The following SLC25A37 variants were observed in gnomAD, a reference collection of about 807,000 sequenced individuals.
SLC25A37 encodes the protein mitoferrin-1.
SLC25A37 carries 17 observed loss-of-function variants against 31.0 expected under a neutral mutation model. That is an observed-to-expected ratio of 0.55 (90% confidence interval 0.38 to 0.82). The LOEUF (loss-of-function observed/expected upper bound fraction) is 0.82, where lower values mean the gene tolerates loss of function less well. SLC25A37 is among the 40% of genes least tolerant of loss of function. The pLI is 0.00. For synonymous variants in SLC25A37, 222 were observed against 193.0 expected, an observed-to-expected ratio of 1.15 and a Z score of -1.24; for missense variants, 404 against 465.8, an observed-to-expected ratio of 0.87 and a Z score of 1.22.
rs746104460 is a variant in SLC25A37 at position 23,529,214 on chromosome 8, T to G, written c.210+2T>G. On this transcript the variant is annotated splice_donor_variant, in intron 1 of 3. Coordinates refer to ENST00000519973, the MANE Select transcript of SLC25A37 (RefSeq NM_016612.4). LOFTEE classifies it high-confidence loss of function. The surrounding 1 kb of genome is among the most constrained non-coding windows in gnomAD (Gnocchi z 4.1). ...ATGTACCCGGTGGACTCGGTGAAGG[T>G]GAGGCGCGGGGAGACTTCGGGGACG... 6.2e-7 allele frequency: 1 copy of G among 1,605,110 alleles called. No homozygotes were observed. The highest frequency in any genetic ancestry group is 1.4e-5 in the African/African-American group (1 of 73,896).
At chr8:23,571,048 C>T (rs2117467170) in intron 3 of SLC25A37, among the ~76,000 whole-genome samples, 1 of 152,222 alleles carries the variant, frequency 6.6e-6, no homozygotes, top group East Asian at 1.9e-4. Flanking sequence ...AAGTGGCTGC[C>T]TGGTTCGGGG....
At position 23,573,841 on chromosome 8, in the gene SLC25A37, C is replaced by G. The variant is rs1462703720; in HGVS notation, c.*1986C>G. On this transcript the variant is annotated 3_prime_UTR_variant, in exon 4 of 4. Transcript: ENST00000519973. ...CTGCTCTGCCCCCCACTCCCCAAAA[C>G]CAGTTGCAGCCTCAACCCACATGGG... 8 of 456,638 alleles carry G rather than the reference C, an allele frequency of 1.8e-5. No individual in the cohort carries two copies. Among genetic ancestry groups the G allele is most frequent in the Non-Finnish European group, 3.1e-5 (7 of 226,982 alleles). The allele number at this position is 456,638 out of a possible 1,614,324, so 28.3% of individuals were successfully genotyped here.
Position 23,529,455 on chromosome 8 carries a change from C to G in SLC25A37, c.210+243C>G, listed in dbSNP as rs1165748408. ...CCGCTGCTCCAGCCGCGTGCCCGGC[C>G]CCGGCTGCTGGCGGCGCTGAGGCGG... is the stretch of plus-strand genomic sequence containing the variant. On this transcript the variant is annotated intron_variant, in intron 1 of 3. Transcript: ENST00000519973. This position sits in a 1 kb window ranked among gnomAD's most constrained non-coding sequence, Gnocchi z 4.1. Among the ~76,000 whole-genome samples the G allele has an allele frequency of 6.6e-6, 1 of 151,830 alleles. No homozygotes were observed. Among genetic ancestry groups the G allele is most frequent in the Non-Finnish European group, 1.5e-5 (1 of 67,928 alleles).
chr8:23,547,948 A>G (rs1484449881), intron 1 of SLC25A37, among the ~76,000 whole-genome samples: 1 of 152,060 alleles, frequency 6.6e-6, no homozygotes, highest in Admixed American at 6.6e-5. Context: ...CAAGTTCACT[A>G]CCAGGAAGCT....
chr8:23,566,407 C>T, intron 2 of SLC25A37, 71 bp downstream of exon 2: 1 of 1,531,046 alleles, frequency 6.5e-7, no homozygotes, highest in Non-Finnish European at 8.7e-7. Context: ...GGGTGTTCCT[C>T]CCTGTGACCC....
At chr8:23,539,410 C>T (rs1156393456) in intron 1 of SLC25A37, among the ~76,000 whole-genome samples, 2 of 152,186 alleles carry the variant, frequency 1.3e-5, no homozygotes, top group Admixed American at 6.5e-5. Context: ...GAAAGAGAGA[C>T]CCTGGCTGAT....
chr8:23,556,474 C>T lies in SLC25A37; in HGVS notation c.211-9634C>T, dbSNP rs1802368871. On this transcript the variant is annotated intron_variant, in intron 1 of 3. Coordinates refer to ENST00000519973, the MANE Select transcript of SLC25A37 (RefSeq NM_016612.4). ...TTCCTGGCAGCAAGTGATCCACCTG[C>T]CTTGGCCTTCCAAAGTGCTGGGATT... Among the ~76,000 whole-genome samples, 4 of 152,124 alleles carry T rather than the reference C, an allele frequency of 2.6e-5. No homozygotes were observed. The South Asian group carries it at 6.2e-4, about 24-fold the overall frequency.
intron 2 of SLC25A37, chr8:23,567,916 C>G: frequency 4.7e-6 from 1 of 213,948 alleles, no homozygotes; most frequent in South Asian, 6.6e-5. Flanking sequence ...GATATGATAT[C>G]TCCTTTCAGG....
intron 3 of SLC25A37, among the ~76,000 whole-genome samples, chr8:23,569,846 C>T (rs541193914): frequency 3.9e-5 from 6 of 152,288 alleles, no homozygotes; most frequent in East Asian, 1.9e-4. Context: ...CTCTACCTGG[C>T]GATGGCTTTA....
intron 1 of SLC25A37, chr8:23,531,685 G>A (rs1801664388): frequency 6.6e-6 from 1 of 152,162 alleles, no homozygotes; most frequent in African/African-American, 2.4e-5. Flanking sequence ...TCTATCCTAG[G>A]TAATGTGGAC....
chr8:23,545,571 C>A (rs1379101731), intron 1 of SLC25A37, among the ~76,000 whole-genome samples: 1 of 152,226 alleles, frequency 6.6e-6, no homozygotes, highest in African/African-American at 2.4e-5. Flanking sequence ...TTCCCTGGCA[C>A]AGGGGGTCTT....
chr8:23,542,229 G>T (rs1328066471), intron 1 of SLC25A37, among the ~76,000 whole-genome samples: 1 of 152,082 alleles, frequency 6.6e-6, no homozygotes, highest in African/African-American at 2.4e-5. Context: ...GGATGATGCT[G>T]GTGTAAACCT....
intron 1 of SLC25A37, among the ~76,000 whole-genome samples, chr8:23,530,807 C>A (rs1801647306): frequency 6.6e-6 from 1 of 152,164 alleles, no homozygotes; most frequent in Non-Finnish European, 1.5e-5. Context: ...ACAGTGAGTT[C>A]ACTTTAGAGC....
chr8:23,570,291 T>C (rs920520712), intron 3 of SLC25A37, among the ~76,000 whole-genome samples: 3 of 152,112 alleles, frequency 2.0e-5, no homozygotes, highest in Non-Finnish European at 4.4e-5. Context: ...ACATTATCTT[T>C]CTCAAGAGAT....
At chr8:23,549,098 A>ACT (rs200667853) in intron 1 of SLC25A37, among the ~76,000 whole-genome samples, 3 of 151,528 alleles carry the variant, frequency 2.0e-5, no homozygotes, top group African/African-American at 7.3e-5. Context: ...GATTTTTAGT[A>ACT]CTCTCTCTCT....
chr8:23,563,912 C>T (rs1050905741), intron 1 of SLC25A37, among the ~76,000 whole-genome samples: 77 of 151,872 alleles, frequency 5.1e-4, no homozygotes, highest in Non-Finnish European at 7.8e-4. Flanking sequence ...ACGTGGCAGG[C>T]GGAGGTTGCA....
At chr8:23,538,380 C>CAAAAAAAAAAAAA (rs1286476649) in intron 1 of SLC25A37, among the ~76,000 whole-genome samples, 2 of 10,758 alleles carry the variant, frequency 1.9e-4, no homozygotes, top group Non-Finnish European at 4.0e-4. Context: ...GACTTCATCT[C>CAAAAAAAAAAAAA]AAAAAAAAAA....
At position 23,571,900 on chromosome 8, in the gene SLC25A37, C is replaced by T. The variant is rs1802860768; in HGVS notation, c.*45C>T. 2 of 1,585,566 alleles carry T rather than the reference C, an allele frequency of 1.3e-6. No individual in the cohort carries two copies. Among genetic ancestry groups the T allele is most frequent in the East Asian group, 2.2e-5 (1 of 44,464 alleles). On this transcript the variant is annotated 3_prime_UTR_variant, in exon 4 of 4. Coordinates refer to ENST00000519973, the MANE Select transcript of SLC25A37 (RefSeq NM_016612.4). The stretch of plus-strand genomic sequence containing the variant: ...TTTTCTTAAAGTCATTCTCTGCCTG[C>T]ATCCAGCCCCTTGCCCTCTCCTCAC...
At chr8:23,552,576 T>C (rs377569087) in intron 1 of SLC25A37, among the ~76,000 whole-genome samples, 37 of 152,158 alleles carry the variant, frequency 2.4e-4, no homozygotes, top group African/African-American at 8.7e-4. Flanking sequence ...AGGAACGCTG[T>C]CTTACCTGGG....
Sources: gnomAD v4.1 joint callset for allele counts (sites outside exome capture counted in the v4.1 genomes callset) on GRCh38, gnomAD v4.1.1 for gene constraint, Gnocchi (gnomAD v3.1) non-coding constraint, MANE v1.5 for transcripts, NCBI Gene and HGNC (gene_info 2026-07-23, HGNC 2026-07-21) for gene names.